The following CCNB2 variants were observed in gnomAD, a reference collection of about 807,000 sequenced individuals.
CCNB2 encodes the protein cyclin B2.
Under a neutral mutation model 51.1 loss-of-function variants are expected in CCNB2, and 39 were observed. The observed-to-expected ratio is 0.76, with a 90% confidence interval of 0.59 to 1.00. CCNB2 has a LOEUF of 1.00. Among genes scored for constraint, CCNB2 ranks in the 50% least tolerant of loss-of-function variants. The probability of loss-of-function intolerance (pLI) is 0.00; values close to 1 mark genes in which losing one functional copy is unlikely to be tolerated. For synonymous variants in CCNB2, 174 were observed against 165.5 expected (o/e 1.05, Z -0.40); for missense variants, 472 against 470.3 (o/e 1.00, Z -0.03).
intron 7 of CCNB2, 144 bp downstream of exon 7, chr15:59,117,512 A>G: frequency 1.2e-6 from 1 of 831,068 alleles, no homozygotes; most frequent in East Asian, 2.7e-5. Flanking sequence ...TCTGTCACGT[A>G]GGCTGGAGTG....
intron 3 of CCNB2, among the ~76,000 whole-genome samples, chr15:59,113,951 C>G (rs1403057851): frequency 6.6e-6 from 1 of 152,240 alleles, no homozygotes; most frequent in Non-Finnish European, 1.5e-5. Context: ...ATCCACCTGC[C>G]TTGGCCTCCC....
chr15:59,113,305 A>G (rs926978890), intron 3 of CCNB2, among the ~76,000 whole-genome samples: 1 of 152,296 alleles, frequency 6.6e-6, no homozygotes, highest in Non-Finnish European at 1.5e-5. Flanking sequence ...TATACTGCAG[A>G]AGAGGCTGCT....
intron 1 of CCNB2, 72 bp downstream of exon 1, chr15:59,105,364 C>A: frequency 1.4e-6 from 2 of 1,475,196 alleles, no homozygotes; most frequent in Non-Finnish European, 1.8e-6. Flanking sequence ...CTTCTCTCAT[C>A]TGCTCCGAGC....
At chr15:59,118,579 G>A (rs1223130046) in intron 7 of CCNB2, among the ~76,000 whole-genome samples, 1 of 152,212 alleles carries the variant, frequency 6.6e-6, no homozygotes, top group East Asian at 1.9e-4. Flanking sequence ...GGCTACTCTG[G>A]AGGCCTAGGC....
intron 7 of CCNB2, among the ~76,000 whole-genome samples, chr15:59,119,385 C>T (rs2079292527): frequency 6.8e-6 from 1 of 147,212 alleles, no homozygotes; most frequent in Non-Finnish European, 1.5e-5. Context: ...TGCTTGAGCC[C>T]AGGAGTTCAA....
intron 5 of CCNB2, 54 bp from the exon 6 acceptor site, chr15:59,116,636 A>G (rs1193371733): frequency 1.6e-6 from 2 of 1,285,680 alleles, no homozygotes; most frequent in Middle Eastern, 2.7e-4. Context: ...TCTCCCACCT[A>G]AAGCTTCACT....
intron 3 of CCNB2, among the ~76,000 whole-genome samples, chr15:59,109,961 T>C (rs186367548): frequency 2.0e-5 from 3 of 152,162 alleles, no homozygotes; most frequent in African/African-American, 7.2e-5. Context: ...CACTCCAGCC[T>C]GGGCGACAGC....
chr15:59,124,633 C>T, intron 8 of CCNB2, 134 bp from the exon 9 acceptor site: 1 of 696,348 alleles, frequency 1.4e-6, no homozygotes, highest in South Asian at 1.6e-5. Flanking sequence ...AGAGCTTTCA[C>T]TGGCTTCAGC....
chr15:59,119,217 C>A (rs749611089), intron 7 of CCNB2, among the ~76,000 whole-genome samples: 3 of 152,046 alleles, frequency 2.0e-5, no homozygotes, highest in Non-Finnish European at 4.4e-5. Flanking sequence ...AAATTGGTAA[C>A]AGAACACAGA....
intron 7 of CCNB2, among the ~76,000 whole-genome samples, chr15:59,118,513 G>A (rs1330077271): frequency 9.2e-5 from 14 of 152,076 alleles, no homozygotes; most frequent in Non-Finnish European, 2.1e-4. Context: ...CAAAACCCCC[G>A]TCTCTACTAA....
At chr15:59,117,401 G>A in intron 7 of CCNB2, 33 bp downstream of exon 7, 1 of 1,601,756 alleles carries the variant, frequency 6.2e-7, no homozygotes, top group Non-Finnish European at 8.5e-7. Context: ...AACTAATTAG[G>A]CTATATTTTA....
chr15:59,110,082 G>A (rs1484284008), intron 3 of CCNB2, among the ~76,000 whole-genome samples: 2 of 151,654 alleles, frequency 1.3e-5, no homozygotes, highest in African/African-American at 4.8e-5. Context: ...AGAAAAGAAG[G>A]CTTTTTTTTT....
At chr15:59,113,531 A>C (rs1289683851) in intron 3 of CCNB2, among the ~76,000 whole-genome samples, 4 of 152,242 alleles carry the variant, frequency 2.6e-5, no homozygotes, top group African/African-American at 7.2e-5. Context: ...GAATTTTAGA[A>C]GTATAGGTAT....
At position 59,124,855 on chromosome 15, in the gene CCNB2, C is replaced by A. The variant is rs774319575; in HGVS notation, c.1175C>A (p.Ser392Tyr). 5 of 1,598,924 alleles carry A rather than the reference C, an allele frequency of 3.1e-6. No individual in the cohort carries two copies. Among genetic ancestry groups the A allele is most frequent in the Non-Finnish European group, 1.7e-6 (2 of 1,172,728 alleles). ...LNSKAVKDLASPLIGRS is the reference protein window; with the variant it reads ...LNSKAVKDLAYPLIGRS Reference sequence around the variant, plus strand: ...TCAAAAGCCGTCAAAGACCTTGCCTCCCCACTGATAGGAAGGTCCTAGGCT... The same window carrying A: ...TCAAAAGCCGTCAAAGACCTTGCCTACCCACTGATAGGAAGGTCCTAGGCT... Residue 392 changes from serine to tyrosine, a missense_variant, in exon 9 of 9, where the codon TCC becomes TAC. Coordinates refer to ENST00000288207, the MANE Select transcript of CCNB2 (RefSeq NM_004701.4).
intron 7 of CCNB2, chr15:59,121,433 A>G (rs1465860236): frequency 6.6e-6 from 1 of 152,224 alleles, no homozygotes. Context: ...TTTATTTCAA[A>G]AGGCTAGAAA....
Position 59,118,032 on chromosome 15 carries a change from C to T in CCNB2, c.975+664C>T, listed in dbSNP as rs28383547. On this transcript the variant is annotated intron_variant, in intron 7 of 8. Transcript: ENST00000288207. ...TGCATGTGTGCAGTATAGAGTTGTA[C>T]AGAATGAGGAAGGCCACTAAGAACT... Among the ~76,000 whole-genome samples the T allele has an allele frequency of 3.4e-3, 521 of 152,282 alleles. 3 individuals are homozygous for T. The highest frequency in any genetic ancestry group is 0.012 in the African/African-American group (485 of 41,570).
intron 8 of CCNB2, 117 bp downstream of exon 8, chr15:59,123,744 GT>G: frequency 1.5e-6 from 1 of 655,634 alleles, no homozygotes; most frequent in Non-Finnish European, 2.8e-6. Flanking sequence ...ACATGTGGGA[GT>G]TTTAGCACAA....
rs2079252681 is a variant in CCNB2 at position 59,110,271 on chromosome 15, C to G, written c.267+2601C>G. On this transcript the variant is annotated intron_variant, in intron 3 of 8. Transcript: ENST00000288207. ...ACTGTTTGAGATAAAGCATTATGGA[C>G]CCGTAGCTCAGTTCATATAAAAATC... 3.9e-5 allele frequency among the ~76,000 whole-genome samples: 6 copies of G among 152,154 alleles called. No homozygotes were observed. In the South Asian group the frequency reaches 1.2e-3, roughly 32 times the overall value.
chr15:59,113,021 G>A (rs1219559893), intron 3 of CCNB2, among the ~76,000 whole-genome samples: 4 of 150,890 alleles, frequency 2.7e-5, no homozygotes, highest in East Asian at 1.9e-4. Flanking sequence ...GCGACAGAGC[G>A]AGACTCCATC....
Sources: allele counts gnomAD v4.1 joint callset (sites outside exome capture counted in the v4.1 genomes callset), GRCh38; gene constraint gnomAD v4.1.1; transcripts MANE v1.5; gene names NCBI Gene and HGNC (gene_info 2026-07-23, HGNC 2026-07-21).